Variants in CNTNAP2 observed in about 807,000 individuals in gnomAD.
CNTNAP2 encodes contactin associated protein 2, also known as contactin-associated protein-like 2.
CNTNAP2 carries 98 observed loss-of-function variants against 155.2 expected under a neutral mutation model. The observed-to-expected ratio is 0.63, with a 90% CI of 0.54 to 0.75. The LOEUF is 0.75. Among genes scored for constraint, CNTNAP2 ranks in the 30% least tolerant of loss-of-function variants. The pLI, the probability that CNTNAP2 is intolerant of heterozygous loss-of-function variation, is 0.00. For missense variants in CNTNAP2, 1,727 were observed against 1,688.1 expected (o/e 1.02, Z -0.40); for synonymous variants, 651 against 631.2 (o/e 1.03, Z -0.47).
chr7:146,499,955 A>T (rs912138801), intron 1 of CNTNAP2, among the ~76,000 whole-genome samples: 1 of 152,204 alleles, frequency 6.6e-6, no homozygotes, highest in Non-Finnish European at 1.5e-5. Flanking sequence ...TGTGTAATTT[A>T]TTCCTAAATA....
chr7:146,504,416 A>G (rs1441082883), intron 1 of CNTNAP2, among the ~76,000 whole-genome samples: 3 of 152,208 alleles, frequency 2.0e-5, no homozygotes. Context: ...GTTGATTGTC[A>G]GGGATGAAGG....
chr7:147,905,910 C>A (rs199608197), intron 14 of CNTNAP2, among the ~76,000 whole-genome samples: 2,506 of 136,218 alleles, frequency 0.018, 106 homozygotes, highest in East Asian at 0.17. Context: ...AACAAACAAA[C>A]AAACAAAAAA....
intron 15 of CNTNAP2, among the ~76,000 whole-genome samples, chr7:148,021,509 A>C (rs557176941): frequency 4.6e-5 from 7 of 152,282 alleles, no homozygotes; most frequent in South Asian, 4.1e-4. Context: ...AAAGATGAGA[A>C]GCATTTCTAG....
At chr7:148,084,369 G>T (rs911376241) in intron 15 of CNTNAP2, among the ~76,000 whole-genome samples, 5 of 152,160 alleles carry the variant, frequency 3.3e-5, no homozygotes, top group Non-Finnish European at 7.3e-5. Context: ...AAACTCCCTG[G>T]CAGCAAAACA....
chr7:147,096,446 G>A (rs1287743295), intron 4 of CNTNAP2, among the ~76,000 whole-genome samples: 1 of 152,158 alleles, frequency 6.6e-6, no homozygotes, highest in African/African-American at 2.4e-5. Flanking sequence ...TGAATCCTCT[G>A]CCATCATGGC....
At chr7:148,340,187 A>G (rs1798204048) in intron 21 of CNTNAP2, among the ~76,000 whole-genome samples, 1 of 152,210 alleles carries the variant, frequency 6.6e-6, no homozygotes, top group Admixed American at 6.5e-5. Flanking sequence ...TATAGATACT[A>G]ATCAGTAACA....
intron 1 of CNTNAP2, among the ~76,000 whole-genome samples, chr7:146,699,971 A>G (rs568239604): frequency 6.6e-6 from 1 of 152,256 alleles, no homozygotes; most frequent in African/African-American, 2.4e-5. Flanking sequence ...TTGTCTCAAG[A>G]AAAAAGAAAA....
intron 17 of CNTNAP2, among the ~76,000 whole-genome samples, chr7:148,151,717 G>C (rs1411524852): frequency 6.6e-6 from 1 of 151,972 alleles, no homozygotes; most frequent in Non-Finnish European, 1.5e-5. Flanking sequence ...CTTTCAATGG[G>C]CTCATTACTT....
At chr7:148,094,701 C>T (rs1803924664) in intron 15 of CNTNAP2, among the ~76,000 whole-genome samples, 3 of 152,124 alleles carry the variant, frequency 2.0e-5, no homozygotes, top group African/African-American at 4.8e-5. Context: ...ATAATATGGA[C>T]GGTGATATTA....
At chr7:147,461,334 TGG>T (rs1798021219) in intron 10 of CNTNAP2, among the ~76,000 whole-genome samples, 1 of 151,762 alleles carries the variant, frequency 6.6e-6, no homozygotes, top group Admixed American at 6.6e-5. Context: ...AGAAAAAAAA[TGG>T]TTTCAAAAAA....
At chr7:148,269,052 T>G (rs753729663) in intron 21 of CNTNAP2, among the ~76,000 whole-genome samples, 5 of 152,028 alleles carry the variant, frequency 3.3e-5, no homozygotes, top group Non-Finnish European at 5.9e-5. Context: ...ACAAAAAGGA[T>G]TCCTGGGTTT....
chr7:147,023,078 A>T (rs956331849), intron 3 of CNTNAP2, among the ~76,000 whole-genome samples: 1 of 152,132 alleles, frequency 6.6e-6, no homozygotes, highest in African/African-American at 2.4e-5. Flanking sequence ...TCCTTGCTTC[A>T]TGATAAACAT....
At chr7:146,227,122 G>C (rs937232309) in intron 1 of CNTNAP2, among the ~76,000 whole-genome samples, 4 of 151,992 alleles carry the variant, frequency 2.6e-5, no homozygotes, top group Non-Finnish European at 5.9e-5. Context: ...GGAATGATGA[G>C]AGAATAGAAA....
chr7:146,328,161 A>G (rs1387134521), intron 1 of CNTNAP2, among the ~76,000 whole-genome samples: 1 of 152,148 alleles, frequency 6.6e-6, no homozygotes, highest in African/African-American at 2.4e-5. Flanking sequence ...AGATTCTCAT[A>G]GGAGCACGAA....
Position 148,104,457 on chromosome 7 carries a change from T to C in CNTNAP2, c.2384-13661T>C, listed in dbSNP as rs1183653289. ...ATGTGAGGCTCTGGAGGTTTTGTAGTCTATCAACACATAAAGGCTGCCTGG... is the reference window on the plus strand; with the variant it reads ...ATGTGAGGCTCTGGAGGTTTTGTAGCCTATCAACACATAAAGGCTGCCTGG... On this transcript the variant is annotated intron_variant, in intron 15 of 23. Transcript: ENST00000361727. Among the ~76,000 whole-genome samples, 3 of 152,178 alleles carry C rather than the reference T, an allele frequency of 2.0e-5. No homozygotes were observed. The East Asian group carries it at 5.8e-4, about 29-fold the overall frequency.
intron 3 of CNTNAP2, among the ~76,000 whole-genome samples, chr7:147,003,386 GA>G (rs1160704577): frequency 6.6e-6 from 1 of 151,462 alleles, no homozygotes; most frequent in African/African-American, 2.4e-5. Flanking sequence ...CAAAAAGCGA[GA>G]AAAAAATAAT....
intron 1 of CNTNAP2, among the ~76,000 whole-genome samples, chr7:146,387,781 G>C (rs1031627099): frequency 6.6e-6 from 1 of 152,096 alleles, no homozygotes; most frequent in Non-Finnish European, 1.5e-5. Context: ...TGAGGCAGGA[G>C]CCTCCACCAG....
intron 12 of CNTNAP2, among the ~76,000 whole-genome samples, chr7:147,569,193 G>C (rs1800234345): frequency 6.6e-6 from 1 of 152,108 alleles, no homozygotes; most frequent in South Asian, 2.1e-4. Context: ...AATATTTATA[G>C]AGAGCTTGTA....
chr7:146,628,530 T>A (rs948282163), intron 1 of CNTNAP2, among the ~76,000 whole-genome samples: 3 of 152,092 alleles, frequency 2.0e-5, no homozygotes, highest in Non-Finnish European at 4.4e-5. Context: ...GTAATGCATA[T>A]GTTAAATAGC....
Sources: allele counts gnomAD v4.1 joint callset (sites outside exome capture counted in the v4.1 genomes callset), GRCh38; gene constraint gnomAD v4.1.1; transcripts MANE v1.5; gene names NCBI Gene and HGNC (gene_info 2026-07-23, HGNC 2026-07-21).